The following PITPNB variants were observed in gnomAD, a reference collection of about 807,000 sequenced individuals.
The protein encoded by PITPNB is phosphatidylinositol transfer protein beta isoform.
In PITPNB, 16 loss-of-function variants were observed where a neutral mutation model predicts 45.9. That is an observed-to-expected ratio of 0.35 (90% CI 0.24 to 0.53). The LOEUF (loss-of-function observed/expected upper bound fraction) is 0.53, where lower values mean the gene tolerates loss of function less well. PITPNB is among the 20% of genes least tolerant of loss of function. The pLI is 0.93. For missense variants in PITPNB, 188 were observed against 330.5 expected (o/e 0.57, Z 3.34); for synonymous variants, 112 against 108.9 (o/e 1.03, Z -0.18).
chr22:27,864,437 A>G (rs1266003783), intron 8 of PITPNB, among the ~76,000 whole-genome samples: 1 of 152,212 alleles, frequency 6.6e-6, no homozygotes, highest in Non-Finnish European at 1.5e-5. Context: ...AAAGCTGTTC[A>G]TATCCTACCC....
At chr22:27,908,692 A>C (rs190268729) in intron 3 of PITPNB, among the ~76,000 whole-genome samples, 159 of 152,280 alleles carry the variant, frequency 1.0e-3, no homozygotes, top group Admixed American at 2.4e-3. Flanking sequence ...TATATAAGCA[A>C]ATTCAAAACT....
At chr22:27,916,575 C>A (rs375711753) in intron 1 of PITPNB, among the ~76,000 whole-genome samples, 1 of 152,182 alleles carries the variant, frequency 6.6e-6, no homozygotes, top group East Asian at 1.9e-4. Context: ...ACTTAGTGGG[C>A]GGATCACCTG....
chr22:27,891,298 A>G (rs1258638674), intron 7 of PITPNB, among the ~76,000 whole-genome samples: 3 of 152,252 alleles, frequency 2.0e-5, no homozygotes, highest in East Asian at 3.8e-4. Flanking sequence ...AAATAAATTT[A>G]TATCTTACTA....
intron 10 of PITPNB, among the ~76,000 whole-genome samples, chr22:27,857,802 A>G (rs1601373803): frequency 6.6e-6 from 1 of 152,180 alleles, no homozygotes; most frequent in Non-Finnish European, 1.5e-5. Flanking sequence ...GGTGGTGGGG[A>G]GCAGCTGGGA....
In PITPNB at chr22:27,858,446, C is replaced by G. The variant is rs1008394072; in HGVS notation, c.709G>C (p.Asp237His). 1.9e-6 allele frequency: 3 copies of G among 1,609,130 alleles called. No individual in the cohort carries two copies. Among genetic ancestry groups the G allele is most frequent in the Non-Finnish European group, 2.6e-6 (3 of 1,176,174 alleles). ...QLFCWIDKWI[D>H]LTMEDIRRME... Reference sequence around the variant, plus strand: ...CTCCTAATGTCTTCCATCGTGAGATCGATCCACTTGTCAATCCAACAAAAA... The same window carrying G: ...CTCCTAATGTCTTCCATCGTGAGATGGATCCACTTGTCAATCCAACAAAAA... Residue 237 changes from aspartate (D) to histidine (H), a missense_variant, in exon 10 of 12, where the codon GAT becomes CAT. By Grantham distance (81) the Asp-to-His change is moderately conservative. Coordinates refer to ENST00000335272, the MANE Select transcript of PITPNB (RefSeq NM_012399.5).
rs1409942555 is a variant in PITPNB at position 27,893,173 on chromosome 22, T to C, written c.456+1382A>G. Among the ~76,000 whole-genome samples, 3 of 152,230 alleles carry C rather than the reference T, an allele frequency of 2.0e-5. No individual in the cohort carries two copies. The East Asian group carries it at 5.8e-4, about 29-fold the overall frequency. ...CTCTAGATTAGAGGAAGAGGACCAG[T>C]GCTTGTATTTACACATGCTGTGTAA... On this transcript the variant is annotated intron_variant, in intron 7 of 11. Coordinates refer to ENST00000335272, the MANE Select transcript of PITPNB (RefSeq NM_012399.5).
At chr22:27,882,974 T>C (rs749458456) in intron 7 of PITPNB, among the ~76,000 whole-genome samples, 6 of 152,240 alleles carry the variant, frequency 3.9e-5, no homozygotes, top group African/African-American at 1.2e-4. Flanking sequence ...AGAAAATGTA[T>C]GAGTGGTGTT....
chr22:27,883,151 G>A (rs1935023063), intron 7 of PITPNB, among the ~76,000 whole-genome samples: 1 of 152,194 alleles, frequency 6.6e-6, no homozygotes, highest in Admixed American at 6.5e-5. Flanking sequence ...AAGAGGGATG[G>A]AAGAACAGCT....
chr22:27,887,284 T>C (rs974667750), intron 7 of PITPNB, among the ~76,000 whole-genome samples: 8 of 152,156 alleles, frequency 5.3e-5, no homozygotes, highest in Non-Finnish European at 1.0e-4. Context: ...ATAAAAATAG[T>C]GTTGAGAAAA....
intron 1 of PITPNB, among the ~76,000 whole-genome samples, chr22:27,918,549 G>A (rs1283428924): frequency 6.6e-6 from 1 of 152,208 alleles, no homozygotes; most frequent in African/African-American, 2.4e-5. Context: ...TGGGGCCCGG[G>A]ATGTCACCTC....
At chr22:27,871,210 G>C (rs1477473178) in intron 8 of PITPNB, among the ~76,000 whole-genome samples, 1 of 152,170 alleles carries the variant, frequency 6.6e-6, no homozygotes, top group Non-Finnish European at 1.5e-5. Context: ...TATATTCCAA[G>C]TTCCTAAAAA....
chr22:27,876,960 T>C (rs550237205), intron 7 of PITPNB, among the ~76,000 whole-genome samples: 3 of 152,318 alleles, frequency 2.0e-5, no homozygotes, highest in Non-Finnish European at 4.4e-5. Flanking sequence ...ATCTCATTAG[T>C]TCTTTTAGAA....
intron 5 of PITPNB, 48 bp from the exon 6 acceptor site, chr22:27,896,674 T>C (rs1365305738): frequency 7.7e-7 from 1 of 1,292,564 alleles, no homozygotes; most frequent in African/African-American, 1.5e-5. Flanking sequence ...TACCTGTTCC[T>C]TGGTGCCCAC....
At chr22:27,868,289 CTCTCTATCTCAAA>C (rs1934543124) in intron 8 of PITPNB, among the ~76,000 whole-genome samples, 1 of 152,204 alleles carries the variant, frequency 6.6e-6, no homozygotes, top group Non-Finnish European at 1.5e-5. Context: ...TTTCCTGCCA[CTCTCTATCTCAAA>C]AGAGATTTCC....
chr22:27,866,663 G>A (rs1047034500), intron 8 of PITPNB, among the ~76,000 whole-genome samples: 3 of 152,176 alleles, frequency 2.0e-5, no homozygotes, highest in African/African-American at 7.2e-5. Flanking sequence ...ACTGTGTTGG[G>A]ATGAAGATGG....
At chr22:27,911,946 G>C (rs752045504) in intron 2 of PITPNB, among the ~76,000 whole-genome samples, 1 of 152,146 alleles carries the variant, frequency 6.6e-6, no homozygotes, top group Non-Finnish European at 1.5e-5. Context: ...GGAGTCGCTA[G>C]TTCCAACAAA....
intron 3 of PITPNB, among the ~76,000 whole-genome samples, chr22:27,901,421 T>A (rs371374673): frequency 6.6e-6 from 1 of 152,128 alleles, no homozygotes; most frequent in African/African-American, 2.4e-5. Flanking sequence ...CCACTGCAGA[T>A]GAACATCAAA....
At chr22:27,901,288 C>G (rs1935585251) in intron 3 of PITPNB, among the ~76,000 whole-genome samples, 2 of 152,300 alleles carry the variant, frequency 1.3e-5, no homozygotes, top group Middle Eastern at 3.4e-3. Flanking sequence ...AACGCCTGAT[C>G]TAGGCACATT....
At chr22:27,917,509 T>C (rs7286435) in intron 1 of PITPNB, among the ~76,000 whole-genome samples, 5,374 of 152,324 alleles carry the variant, frequency 0.035, 316 homozygotes, top group African/African-American at 0.12. Flanking sequence ...TGATACACTG[T>C]ATAAACGACT....
Sources: allele counts gnomAD v4.1 joint callset (sites outside exome capture counted in the v4.1 genomes callset), GRCh38; gene constraint gnomAD v4.1.1; transcripts MANE v1.5; gene names NCBI Gene and HGNC (gene_info 2026-07-23, HGNC 2026-07-21).